Variants in OXSR1 observed in about 807,000 individuals in gnomAD.
OXSR1 encodes the protein serine/threonine-protein kinase OSR1.
A neutral mutation model predicts 79.8 loss-of-function variants in OXSR1; 24 were observed. That is an observed-to-expected ratio of 0.30 (90% CI 0.22 to 0.42). The LOEUF is 0.42. OXSR1 is among the 10% of genes least tolerant of loss of function. The pLI is 1.00. For synonymous variants in OXSR1, 226 were observed against 209.2 expected (o/e 1.08, Z -0.69); for missense variants, 430 against 618.4 (o/e 0.70, Z 3.23).
chr3:38,208,212 T>G (rs1331580868), intron 4 of OXSR1, among the ~76,000 whole-genome samples: 1 of 152,020 alleles, frequency 6.6e-6, no homozygotes, highest in Non-Finnish European at 1.5e-5. Flanking sequence ...CCGTACCCCA[T>G]TTTTAGCGAT....
intron 1 of OXSR1, among the ~76,000 whole-genome samples, chr3:38,173,519 A>T (rs1047022826): frequency 1.3e-5 from 2 of 152,220 alleles, no homozygotes; most frequent in Non-Finnish European, 2.9e-5. Context: ...TACCTATCAC[A>T]TGGAATTATT....
chr3:38,192,078 A>G (rs1489694469), intron 3 of OXSR1, among the ~76,000 whole-genome samples: 5 of 152,166 alleles, frequency 3.3e-5, no homozygotes, highest in Non-Finnish European at 5.9e-5. Flanking sequence ...AGAGGGTTTA[A>G]AAATTTTCCT....
intron 11 of OXSR1, among the ~76,000 whole-genome samples, chr3:38,239,664 A>T (rs1353996230): frequency 6.6e-6 from 1 of 152,134 alleles, no homozygotes; most frequent in Non-Finnish European, 1.5e-5. Context: ...ATTTCCTCAC[A>T]TGCACTCGTT....
At chr3:38,252,663 C>A (rs767389705) in intron 17 of OXSR1, among the ~76,000 whole-genome samples, 154 bp from the exon 18 acceptor site, 1 of 152,158 alleles carries the variant, frequency 6.6e-6, no homozygotes, top group African/African-American at 2.4e-5. Context: ...CAGCCCCCCT[C>A]TTTTCTGGAA....
At chr3:38,195,134 A>G (rs1702051295) in intron 3 of OXSR1, among the ~76,000 whole-genome samples, 1 of 152,230 alleles carries the variant, frequency 6.6e-6, no homozygotes, top group Admixed American at 6.5e-5. Context: ...TTTTGGTATA[A>G]ATAGCTATTT....
At chr3:38,246,375 G>A (rs559452275) in intron 13 of OXSR1, among the ~76,000 whole-genome samples, 154 bp downstream of exon 13, 56 of 152,260 alleles carry the variant, frequency 3.7e-4, no homozygotes, top group African/African-American at 1.3e-3. Flanking sequence ...AGCATGTACA[G>A]GTAAGAGAAT....
intron 4 of OXSR1, among the ~76,000 whole-genome samples, chr3:38,201,881 ACT>A (rs2125822060): frequency 6.6e-6 from 1 of 151,798 alleles, no homozygotes; most frequent in South Asian, 2.1e-4. Context: ...AAAAAAAATT[ACT>A]CTTTCTCCAT....
At chr3:38,171,635 T>C (rs1029394913) in intron 1 of OXSR1, among the ~76,000 whole-genome samples, 13 of 152,178 alleles carry the variant, frequency 8.5e-5, no homozygotes, top group South Asian at 2.1e-4. Context: ...TAGGAACATA[T>C]TAAAAGCCTA....
rs1390447614 is a variant in OXSR1, at chr3:38,223,928, C to G, written c.702+15C>G. Reference sequence around the variant, plus strand: ...CACCAATGAAGGTGAGGCTTGTATTCCAAATACTACCCCAGCTCAAGTCCC... The same window carrying G: ...CACCAATGAAGGTGAGGCTTGTATTGCAAATACTACCCCAGCTCAAGTCCC... On this transcript the variant is annotated intron_variant, in intron 7 of 17. Transcript: ENST00000311806. 1.4e-6 allele frequency: 2 copies of G among 1,457,598 alleles called. No individual in the cohort carries two copies. The highest frequency in any genetic ancestry group is 1.9e-6 in the Non-Finnish European group (2 of 1,045,758). 90.3% of individuals were successfully genotyped at this position (1,457,598 alleles called of 1,614,324 possible).
At chr3:38,180,241 C>A (rs1009166390) in intron 1 of OXSR1, among the ~76,000 whole-genome samples, 2 of 152,054 alleles carry the variant, frequency 1.3e-5, no homozygotes, top group Non-Finnish European at 2.9e-5. Context: ...CTGTTCCTGG[C>A]GGAAAAAATC....
intron 4 of OXSR1, among the ~76,000 whole-genome samples, chr3:38,200,051 T>C (rs1353393986): frequency 3.3e-5 from 5 of 152,178 alleles, no homozygotes; most frequent in Non-Finnish European, 7.4e-5. Context: ...CTGTGCTGAC[T>C]GGTGCTGCTG....
intron 5 of OXSR1, among the ~76,000 whole-genome samples, chr3:38,218,889 G>C (rs1040107025): frequency 6.6e-6 from 1 of 152,052 alleles, no homozygotes; most frequent in African/African-American, 2.4e-5. Context: ...GTTGCACAAA[G>C]GGGGGGACCT....
intron 3 of OXSR1, chr3:38,193,205 C>T (rs774984546): frequency 3.7e-4 from 426 of 1,142,304 alleles, no homozygotes; most frequent in Non-Finnish European, 4.7e-4. Flanking sequence ...AAATTTTAGT[C>T]ATTAATAGTA....
rs759798178 is a variant in OXSR1 at position 38,190,711 on chromosome 3, A to T, written c.184-20A>T. On this transcript the variant is annotated intron_variant, in intron 2 of 17. Transcript: ENST00000311806. Reference sequence around the variant, plus strand: ...TTAGGCTTGCATATAATGAATTATTATGTTTTCTCTTCTTTGTAGAAAGAA... The same window carrying T: ...TTAGGCTTGCATATAATGAATTATTTTGTTTTCTCTTCTTTGTAGAAAGAA... 5 of 1,320,396 alleles carry T rather than the reference A, an allele frequency of 3.8e-6. No individual in the cohort carries two copies. The African/African-American group carries it at 4.4e-5, about 11-fold the overall frequency. The allele number at this position is 1,320,396 out of a possible 1,614,324, so 81.8% of individuals were successfully genotyped here.
At chr3:38,196,496 G>T (rs1323631108) in intron 3 of OXSR1, among the ~76,000 whole-genome samples, 3 of 152,220 alleles carry the variant, frequency 2.0e-5, no homozygotes, top group African/African-American at 7.2e-5. Flanking sequence ...GAATTATCTT[G>T]TTGGGAGGAG....
chr3:38,200,602 C>T (rs948958774), intron 4 of OXSR1, among the ~76,000 whole-genome samples: 3 of 152,114 alleles, frequency 2.0e-5, no homozygotes, highest in African/African-American at 4.8e-5. Flanking sequence ...GGTTTGGGAC[C>T]AGAACTAGTC....
intron 8 of OXSR1, among the ~76,000 whole-genome samples, chr3:38,229,014 A>G (rs1053247691): frequency 3.3e-5 from 5 of 152,222 alleles, no homozygotes; most frequent in Admixed American, 6.5e-5. Context: ...AATCAGGTCC[A>G]GTCTCTTAAA....
intron 4 of OXSR1, among the ~76,000 whole-genome samples, chr3:38,203,641 AG>A (rs915445688): frequency 4.6e-5 from 7 of 152,188 alleles, no homozygotes; most frequent in Non-Finnish European, 8.8e-5. Context: ...TCTGATTACC[AG>A]GCAGAGACTC....
intron 14 of OXSR1, 76 bp downstream of exon 14, chr3:38,247,808 G>C (rs181521931): frequency 1.1e-6 from 1 of 882,724 alleles, no homozygotes. Flanking sequence ...CTGTGCCTGA[G>C]AGTAACTGGA....
Sources: gnomAD v4.1 joint callset for allele counts (sites outside exome capture counted in the v4.1 genomes callset) on GRCh38, gnomAD v4.1.1 for gene constraint, MANE v1.5 for transcripts, NCBI Gene and HGNC (gene_info 2026-07-23, HGNC 2026-07-21) for gene names.